FAIM2: variants seen among roughly 807,000 people sequenced by gnomAD.
FAIM2 encodes the protein protein lifeguard 2.
Under a neutral mutation model 47.4 loss-of-function variants are expected in FAIM2, and 27 were observed. The observed-to-expected ratio is 0.57, with a 90% CI of 0.42 to 0.78. The LOEUF (loss-of-function observed/expected upper bound fraction) is 0.78. Among genes scored for constraint, FAIM2 ranks in the 30% least tolerant of loss-of-function variants. The probability of loss-of-function intolerance (pLI) is 0.00; values close to 1 mark genes in which losing one functional copy is unlikely to be tolerated. For missense variants in FAIM2, 311 were observed against 389.4 expected (o/e 0.80, Z 1.69); for synonymous variants, 156 against 159.3 (o/e 0.98, Z 0.16).
rs917594744 is a variant in FAIM2 at position 49,874,628 on chromosome 12, G to A, written c.802-3975C>T. Among the ~76,000 whole-genome samples the A allele has an allele frequency of 6.6e-6, 1 of 152,226 alleles. No individual in the cohort carries two copies. The highest frequency in any genetic ancestry group is 2.4e-5 in the African/African-American group (1 of 41,448). On this transcript the variant is annotated intron_variant, in intron 11 of 11. Transcript: ENST00000320634. The surrounding 1 kb of genome is among the most constrained non-coding windows in gnomAD (Gnocchi z 4.2). Reference sequence around the variant, plus strand: ...CAGAGGTGACGCTGAGGGGCTCTGGGCAGTGCATGCCATGGAAAGGCCAGC... The same window carrying A: ...CAGAGGTGACGCTGAGGGGCTCTGGACAGTGCATGCCATGGAAAGGCCAGC...
intron 11 of FAIM2, among the ~76,000 whole-genome samples, chr12:49,879,000 G>A (rs1380814895): frequency 7.4e-6 from 1 of 134,426 alleles, no homozygotes; most frequent in Non-Finnish European, 1.6e-5. Context: ...GTGTATCTGT[G>A]TATGTGCATG....
chr12:49,901,096 T>C lies in FAIM2; in HGVS notation c.211+34A>G, dbSNP rs746516571. The C allele has an allele frequency of 2.0e-6, 3 of 1,513,228 alleles. No homozygotes were observed. The South Asian group carries it at 3.8e-5, about 19-fold the overall frequency. The allele number at this position is 1,513,228 out of a possible 1,614,324, so 93.7% of individuals were successfully genotyped here. ...TCCCTCTGGGTCCACCCCCACCCCA[T>C]GATGCTTCAGGTTCCAGGAGCTGAA... On this transcript the variant is annotated intron_variant, in intron 2 of 11. Coordinates refer to ENST00000320634, the MANE Select transcript of FAIM2 (RefSeq NM_012306.4).
intron 7 of FAIM2, 22 bp downstream of exon 7, chr12:49,890,661 C>T (rs1266129495): frequency 6.2e-7 from 1 of 1,612,108 alleles, no homozygotes; most frequent in Non-Finnish European, 8.5e-7. Flanking sequence ...CGTCTGTCCT[C>T]AGCACACCCA....
At position 49,878,249 on chromosome 12, in the gene FAIM2, TGA is replaced by T. The variant is rs1185572924; in HGVS notation, c.802-7598_802-7597del. On this transcript the variant is annotated intron_variant, in intron 11 of 11. Coordinates refer to ENST00000320634, the MANE Select transcript of FAIM2 (RefSeq NM_012306.4). ...GTGCATGAGTGTATGTGTGTATATG[TGA>T]GTGTATGTGCATGTGTGTGTCCATG... 3.9e-5 allele frequency among the ~76,000 whole-genome samples: 5 copies of T among 126,658 alleles called. 1 individual carries two copies. The highest frequency in any genetic ancestry group is 1.8e-4 in the Admixed American group (2 of 10,914). The allele number at this position is 126,658 out of a possible 152,430, so 83.1% of individuals were successfully genotyped here. A position where few individuals can be genotyped will look rare whatever the true frequency, so the allele number is the denominator to read the frequency against.
In FAIM2 at chr12:49,879,663, T is replaced by C. The variant is rs1488705455; in HGVS notation, c.801+7723A>G. On this transcript the variant is annotated intron_variant, in intron 11 of 11. Transcript: ENST00000320634. ...ATGTGTGGGCATGTGAATGTGTATATGTGAGTGTGTGCATGTGTGTATCTG... is the reference window on the plus strand; with the variant it reads ...ATGTGTGGGCATGTGAATGTGTATACGTGAGTGTGTGCATGTGTGTATCTG... 2.7e-5 allele frequency among the ~76,000 whole-genome samples: 4 copies of C among 149,004 alleles called. No homozygotes were observed. The South Asian group carries it at 8.6e-4, about 32-fold the overall frequency.
rs1946671642 is a variant in FAIM2 at position 49,867,518 on chromosome 12, A to T, written c.*2986T>A. 1 of 152,228 alleles carries T rather than the reference A, an allele frequency of 6.6e-6. No homozygotes were observed. Among genetic ancestry groups the T allele is most frequent in the Non-Finnish European group, 1.5e-5 (1 of 68,058 alleles). 9.4% of individuals were successfully genotyped at this position (152,228 alleles called of 1,614,324 possible). A position where few individuals can be genotyped will look rare whatever the true frequency, so the allele number is the denominator to read the frequency against. ...GAAGGAGCCATAGGTGTGCCCGGGA[A>T]TGAGTCCCAGACTCGTGTGTGCCTC... On this transcript the variant is annotated 3_prime_UTR_variant, in exon 12 of 12. Coordinates refer to ENST00000320634, the MANE Select transcript of FAIM2 (RefSeq NM_012306.4).
chr12:49,889,101 A>G lies in FAIM2; in HGVS notation c.747+6T>C. On this transcript the variant is annotated splice_donor_region_variant and intron_variant, in intron 10 of 11. Coordinates refer to ENST00000320634, the MANE Select transcript of FAIM2 (RefSeq NM_012306.4). ...ATGGGGCCTGCTGGGGGACCCAGAG[A>G]CTCACATATTGGAAGGGTAGGAGGA... 6.2e-7 allele frequency: 1 copy of G among 1,602,722 alleles called. No homozygotes were observed. The highest frequency in any genetic ancestry group is 8.5e-7 in the Non-Finnish European group (1 of 1,173,214).
At chr12:49,879,700 ATGTG>A (rs543494704) in intron 11 of FAIM2, among the ~76,000 whole-genome samples, 2,052 of 59,244 alleles carry the variant, frequency 0.035, 46 homozygotes, top group African/African-American at 0.15. Flanking sequence ...GTCTGTGTGC[ATGTG>A]TGTGTGTGTG....
intron 11 of FAIM2, among the ~76,000 whole-genome samples, chr12:49,879,332 ATG>A (rs61721376): frequency 4.3e-5 from 6 of 138,118 alleles, no homozygotes; most frequent in African/African-American, 8.3e-5. Context: ...GTGCGTGTGT[ATG>A]TGTTTATGTG....
intron 11 of FAIM2, among the ~76,000 whole-genome samples, chr12:49,884,067 CA>C (rs1182632629): frequency 6.6e-6 from 1 of 151,848 alleles, no homozygotes; most frequent in Admixed American, 6.5e-5. Flanking sequence ...ACTAAAAATA[CA>C]AAAAAATTAG....
chr12:49,891,063 C>A lies in FAIM2; in HGVS notation c.485+1G>T. The A allele has an allele frequency of 6.2e-7, 1 of 1,614,048 alleles. No homozygotes were observed. The highest frequency in any genetic ancestry group is 8.5e-7 in the Non-Finnish European group (1 of 1,179,910). ...AGTTCCTCCTCAAGCCATTAGCATACCTGGGTCCAGAACAGCAAGCCAGGG... is the reference window on the plus strand; with the variant it reads ...AGTTCCTCCTCAAGCCATTAGCATAACTGGGTCCAGAACAGCAAGCCAGGG... On this transcript the variant is annotated splice_donor_variant, in intron 6 of 11. Coordinates refer to ENST00000320634, the MANE Select transcript of FAIM2 (RefSeq NM_012306.4). LOFTEE classifies it high-confidence loss of function.
chr12:49,878,735 TGA>T (rs61725809), intron 11 of FAIM2, among the ~76,000 whole-genome samples: 1,911 of 125,936 alleles, frequency 0.015, 234 homozygotes, highest in African/African-American at 0.059. Flanking sequence ...TGTGTGCATG[TGA>T]GTGTATATGC....
intron 5 of FAIM2, 99 bp from the exon 6 acceptor site, chr12:49,891,213 G>T: frequency 8.6e-7 from 1 of 1,169,000 alleles, no homozygotes; most frequent in South Asian, 1.3e-5. Context: ...CCACCCACAG[G>T]GCAGCCAGGA....
intron 11 of FAIM2, among the ~76,000 whole-genome samples, chr12:49,875,651 T>A (rs1449156269): frequency 6.6e-6 from 1 of 152,082 alleles, no homozygotes; most frequent in Non-Finnish European, 1.5e-5. Flanking sequence ...TGTATGAAAG[T>A]GTATTAATGA....
At chr12:49,872,864 TA>T (rs1946712490) in intron 11 of FAIM2, among the ~76,000 whole-genome samples, 1 of 152,202 alleles carries the variant, frequency 6.6e-6, no homozygotes, top group African/African-American at 2.4e-5. Flanking sequence ...GAGAATGAGA[TA>T]ATGCATGCAA....
intron 8 of FAIM2, 148 bp downstream of exon 8, chr12:49,889,969 G>T: frequency 2.7e-6 from 2 of 728,514 alleles, no homozygotes; most frequent in Non-Finnish European, 4.7e-6. Flanking sequence ...TCAAGCAGAG[G>T]ACCCTAGGCC....
chr12:49,890,109 C>G lies in FAIM2; in HGVS notation c.563+8G>C, dbSNP rs1277806451. On this transcript the variant is annotated splice_region_variant and intron_variant, in intron 8 of 11. Coordinates refer to ENST00000320634, the MANE Select transcript of FAIM2 (RefSeq NM_012306.4). ...TGGTCCTTCTCTCCTTCCACCTGTT[C>G]CCTTTACCTGGACAGCATCCCAGTG... 2 of 1,613,648 alleles carry G rather than the reference C, an allele frequency of 1.2e-6. No homozygotes were observed. Among genetic ancestry groups the G allele is most frequent in the Non-Finnish European group, 1.7e-6 (2 of 1,179,698 alleles).
intron 5 of FAIM2, among the ~76,000 whole-genome samples, chr12:49,894,416 C>T (rs1206068548): frequency 1.3e-5 from 2 of 152,008 alleles, no homozygotes; most frequent in Admixed American, 1.3e-4. Context: ...CACAATCAGA[C>T]AATAAGGTGA....
At chr12:49,890,247 G>A (rs561834005) in intron 7 of FAIM2, 93 bp from the exon 8 acceptor site, 2 of 1,150,134 alleles carry the variant, frequency 1.7e-6, no homozygotes, top group Non-Finnish European at 2.6e-6. Flanking sequence ...ACCCCTTGCA[G>A]GTACCCCTCA....
Sources: allele counts gnomAD v4.1 joint callset (sites outside exome capture counted in the v4.1 genomes callset), GRCh38; gene constraint gnomAD v4.1.1; non-coding constraint Gnocchi (gnomAD v3.1); transcripts MANE v1.5; gene names NCBI Gene and HGNC (gene_info 2026-07-23, HGNC 2026-07-21).